PCLO: variants seen among roughly 807,000 people sequenced by gnomAD.
The protein encoded by PCLO is piccolo presynaptic cytomatrix protein.
PCLO carries 82 observed loss-of-function variants against 427.5 expected under a neutral mutation model. The ratio of observed to expected loss-of-function variants is 0.19; its 90% CI spans 0.16 to 0.23. The LOEUF (loss-of-function observed/expected upper bound fraction) is 0.23, where lower values mean the gene tolerates loss of function less well. Among genes scored for constraint, PCLO ranks in the 10% least tolerant of loss-of-function variants. The probability of loss-of-function intolerance (pLI) is 1.00; values close to 1 mark genes in which losing one functional copy is unlikely to be tolerated. For synonymous variants in PCLO, 2,357 were observed against 2,155.4 expected (o/e 1.09, Z -2.59); for missense variants, 6,239 against 6,115.9 (o/e 1.02, Z -0.67).
chr7:83,155,515 T>TGTG lies in PCLO; in HGVS notation c.1125_1126insCAC (p.Gln375_Thr376insHis), dbSNP rs762371134. ...TCCGATGAAGGCTTCTCTGACCCAG[T>TGTG]CTGCTGAGCTGGAGGCTTAGCAGGA... On this transcript the variant is annotated inframe_insertion, in exon 2 of 25. Coordinates refer to ENST00000333891, the MANE Select transcript of PCLO (RefSeq NM_033026.6). 78,526 of 1,507,250 alleles carry TGTG rather than the reference T, an allele frequency of 0.052. 4,529 individuals carry two copies. The highest frequency in any genetic ancestry group is 0.24 in the East Asian group (10,747 of 44,206). The allele number at this position is 1,507,250 out of a possible 1,614,324, so 93.4% of individuals were successfully genotyped here. A position where few individuals can be genotyped will look rare whatever the true frequency, so the allele number is the denominator to read the frequency against.
At chr7:83,149,542 T>TC (rs1792078145) in intron 2 of PCLO, among the ~76,000 whole-genome samples, 1 of 151,966 alleles carries the variant, frequency 6.6e-6, no homozygotes, top group Admixed American at 6.6e-5. Flanking sequence ...GAATTTAAGC[T>TC]TAAAAAAAAA....
At chr7:83,024,350 C>T (rs534931732) in intron 3 of PCLO, among the ~76,000 whole-genome samples, 3 of 152,328 alleles carry the variant, frequency 2.0e-5, no homozygotes, top group African/African-American at 4.8e-5. Flanking sequence ...TGATGGACGG[C>T]ACCTGGAAAA....
chr7:82,838,146 G>C, intron 15 of PCLO, 72 bp downstream of exon 15: 2 of 1,041,708 alleles, frequency 1.9e-6, no homozygotes, highest in South Asian at 3.1e-5. Flanking sequence ...ATGAGGTGTG[G>C]AAATTAAAGA....
intron 22 of PCLO, among the ~76,000 whole-genome samples, chr7:82,778,693 AT>A (rs1195517682): frequency 5.3e-5 from 8 of 151,692 alleles, no homozygotes; most frequent in African/African-American, 1.7e-4. Flanking sequence ...AAGTACTAGT[AT>A]TTTTTTTCCA....
At chr7:82,828,070 A>T (rs1322733323) in intron 16 of PCLO, 104 bp from the exon 17 acceptor site, 1 of 687,876 alleles carries the variant, frequency 1.5e-6, no homozygotes, top group East Asian at 2.8e-5. Context: ...TTTTATTTCA[A>T]ATCACTATAT....
chr7:82,814,642 A>G (rs1018142649), intron 20 of PCLO, among the ~76,000 whole-genome samples: 2 of 151,870 alleles, frequency 1.3e-5, no homozygotes, highest in Non-Finnish European at 2.9e-5. Context: ...CATATTCAAA[A>G]TAAATAAAAC....
intron 3 of PCLO, among the ~76,000 whole-genome samples, chr7:83,034,516 C>T (rs186848667): frequency 4.6e-4 from 70 of 152,036 alleles, no homozygotes; most frequent in Non-Finnish European, 7.1e-4. Context: ...AATACTTTTG[C>T]GGAAAAAAAG....
intron 1 of PCLO, among the ~76,000 whole-genome samples, chr7:83,156,807 CT>C (rs1792314745): frequency 6.6e-6 from 1 of 151,772 alleles, no homozygotes; most frequent in South Asian, 2.1e-4. Context: ...GTATTTTTTT[CT>C]TTTTATCAAA....
chr7:82,977,675 A>G (rs1327380383), intron 3 of PCLO, among the ~76,000 whole-genome samples: 1 of 152,070 alleles, frequency 6.6e-6, no homozygotes, highest in African/African-American at 2.4e-5. Flanking sequence ...TGGCCTCCCA[A>G]AGTGCTGGGA....
intron 6 of PCLO, among the ~76,000 whole-genome samples, chr7:82,938,928 T>C (rs1398048490): frequency 6.6e-6 from 1 of 152,056 alleles, no homozygotes; most frequent in Admixed American, 6.6e-5. Flanking sequence ...TTAACAATAA[T>C]TTCCAAGAAT....
chr7:83,053,514 A>G (rs1239367181), intron 3 of PCLO, among the ~76,000 whole-genome samples: 1 of 151,910 alleles, frequency 6.6e-6, no homozygotes, highest in Non-Finnish European at 1.5e-5. Context: ...AGTATGGAGG[A>G]AAAGATGGTA....
chr7:83,129,576 C>T (rs1461705382), intron 3 of PCLO, among the ~76,000 whole-genome samples: 1 of 152,086 alleles, frequency 6.6e-6, no homozygotes, highest in Admixed American at 6.6e-5. Context: ...ATTCCAAGGT[C>T]CTCATCCCTT....
At chr7:82,860,128 T>G (rs1562822715) in intron 10 of PCLO, among the ~76,000 whole-genome samples, 1 of 151,828 alleles carries the variant, frequency 6.6e-6, no homozygotes, top group Non-Finnish European at 1.5e-5. Context: ...AAAGAGGAAG[T>G]AGAGGAAGAG....
intron 3 of PCLO, among the ~76,000 whole-genome samples, chr7:83,013,298 T>C (rs548674526): frequency 5.1e-4 from 78 of 152,292 alleles, no homozygotes; most frequent in African/African-American, 1.8e-3. Context: ...TATTTCAGAA[T>C]TTAACAGGAA....
chr7:82,826,010 T>G (rs902116810), intron 18 of PCLO, among the ~76,000 whole-genome samples: 13 of 150,668 alleles, frequency 8.6e-5, no homozygotes, highest in Admixed American at 6.6e-5. Flanking sequence ...TCATGATTAT[T>G]TGTTTATTTT....
intron 22 of PCLO, among the ~76,000 whole-genome samples, chr7:82,789,673 C>A (rs144010017): frequency 1.0e-3 from 153 of 152,234 alleles, no homozygotes; most frequent in African/African-American, 3.6e-3. Flanking sequence ...CCACTGCGCT[C>A]CAGCCTGGGC....
intron 3 of PCLO, among the ~76,000 whole-genome samples, chr7:83,089,889 TA>T (rs1790335147): frequency 6.6e-6 from 1 of 152,200 alleles, no homozygotes; most frequent in Non-Finnish European, 1.5e-5. Context: ...CACTCTAAAT[TA>T]AGTACTTCTT....
In PCLO at chr7:82,950,991, A is replaced by C. The variant is rs771052877; in HGVS notation, c.9597T>G (p.Ser3199Arg). The C allele has an allele frequency of 1.8e-5, 29 of 1,613,724 alleles. No homozygotes were observed. The highest frequency in any genetic ancestry group is 2.4e-5 in the Non-Finnish European group (28 of 1,179,882). The change falls in exon 6 of 25, where the codon AGT becomes AGG. Residue 3199 changes from serine (S) to arginine (R), a missense_variant. Transcript: ENST00000333891. ...CTTCTTCAGGGACAATTAAAAGAGC[A>C]CTTTCATCTCCCACCACTTCAGGAA... ...EVFPEVVGDE[S>R]ALLIVPEEDK... is the part of the protein sequence containing the mutation.
rs768994521 is a variant in PCLO at position 82,915,642 on chromosome 7, A to G, written c.12344T>C (p.Met4115Thr). 3 of 1,613,466 alleles carry G rather than the reference A, an allele frequency of 1.9e-6. No homozygotes were observed. In the South Asian group the frequency reaches 3.3e-5, roughly 18 times the overall value. Residue 4115 changes from methionine to threonine, a missense_variant, in exon 7 of 25, where the codon ATG becomes ACG. Physicochemically the swap from Met to Thr is moderately conservative, Grantham distance 81 (BLOSUM62 -1). This residue lies in a region of PCLO where 680 missense variants were observed against 677.3 expected (regional missense o/e 1.00). Transcript: ENST00000333891. ...AAGCTTTAACTCGTAAGGATCCTCC[A>G]TTGGGTCTTCCTCCGCCTTCACATA... Reference protein sequence around the residue: ...HSYVKAEEDPMEDPYELKLLK... With the variant: ...HSYVKAEEDPTEDPYELKLLK...
Sources: allele counts gnomAD v4.1 joint callset (sites outside exome capture counted in the v4.1 genomes callset), GRCh38; gene constraint gnomAD v4.1.1; regional missense constraint gnomAD v4.1.1; transcripts MANE v1.5; gene names NCBI Gene and HGNC (gene_info 2026-07-23, HGNC 2026-07-21).